Variants in PKHD1L1 observed in about 807,000 individuals in gnomAD.
PKHD1L1 encodes the protein PKHD1 like 1.
Under a neutral mutation model 462.9 loss-of-function variants are expected in PKHD1L1, and 434 were observed. The observed-to-expected ratio is 0.94, with a 90% CI of 0.87 to 1.02. PKHD1L1 has a LOEUF of 1.02. Ranked by LOEUF, PKHD1L1 falls within the 50% of genes least tolerant of loss-of-function variation. PKHD1L1 has a pLI of 0.00. For synonymous variants in PKHD1L1, 1,781 were observed against 1,750.0 expected (o/e 1.02, Z -0.44); for missense variants, 5,202 against 5,096.1 (o/e 1.02, Z -0.63).
chr8:109,419,812 C>G (rs905727364), intron 22 of PKHD1L1, among the ~76,000 whole-genome samples: 1 of 152,008 alleles, frequency 6.6e-6, no homozygotes, highest in Non-Finnish European at 1.5e-5. Context: ...AACCTAACTC[C>G]AAACAGTCAC....
intron 51 of PKHD1L1, 125 bp from the exon 52 acceptor site, chr8:109,476,383 A>G: frequency 1.6e-6 from 1 of 644,332 alleles, no homozygotes; most frequent in Non-Finnish European, 2.5e-6. Flanking sequence ...CAAGACAAAA[A>G]ACAAACTAAA....
At chr8:109,434,155 G>A (rs988676402) in intron 28 of PKHD1L1, among the ~76,000 whole-genome samples, 6 of 152,004 alleles carry the variant, frequency 3.9e-5, no homozygotes, top group Admixed American at 1.3e-4. Flanking sequence ...TGTAGGTGAC[G>A]GGTTAATGGG....
chr8:109,487,123 TG>T (rs1651535346), intron 59 of PKHD1L1, among the ~76,000 whole-genome samples: 2 of 151,990 alleles, frequency 1.3e-5, no homozygotes, highest in Admixed American at 6.6e-5. Context: ...TTATTGTTTT[TG>T]TTTTGTTTTA....
intron 2 of PKHD1L1, among the ~76,000 whole-genome samples, chr8:109,366,940 C>A (rs1811263737): frequency 6.6e-6 from 1 of 152,096 alleles, no homozygotes; most frequent in Non-Finnish European, 1.5e-5. Context: ...GATCTGCCCA[C>A]CTCAGCCTCC....
At chr8:109,428,391 T>C (rs1273105917) in intron 25 of PKHD1L1, among the ~76,000 whole-genome samples, 7 of 152,068 alleles carry the variant, frequency 4.6e-5, no homozygotes, top group Non-Finnish European at 1.0e-4. Context: ...AAGAAATTCG[T>C]GACTTAAAGT....
intron 17 of PKHD1L1, among the ~76,000 whole-genome samples, chr8:109,407,137 T>C (rs546100856): frequency 6.6e-6 from 1 of 152,244 alleles, no homozygotes; most frequent in South Asian, 2.1e-4. Context: ...AGAAAGTAGG[T>C]CCCTGAATGT....
intron 60 of PKHD1L1, among the ~76,000 whole-genome samples, chr8:109,490,410 A>T (rs1411956529): frequency 6.9e-6 from 1 of 145,980 alleles, no homozygotes; most frequent in Non-Finnish European, 1.5e-5. Context: ...AATGAAATGC[A>T]TGTCTGATCT....
At chr8:109,518,081 A>G in intron 72 of PKHD1L1, 86 bp from the exon 73 acceptor site, 2 of 878,840 alleles carry the variant, frequency 2.3e-6, no homozygotes, top group Non-Finnish European at 3.4e-6. Context: ...GGGACTTTCT[A>G]AATTCAAACA....
At chr8:109,510,485 T>C (rs867163782) in intron 70 of PKHD1L1, among the ~76,000 whole-genome samples, 3 of 152,284 alleles carry the variant, frequency 2.0e-5, no homozygotes, top group African/African-American at 7.2e-5. Flanking sequence ...ACTATTTCTA[T>C]CAGTGACCTT....
chr8:109,405,778 T>C (rs1490629492), intron 16 of PKHD1L1, among the ~76,000 whole-genome samples: 3 of 152,056 alleles, frequency 2.0e-5, no homozygotes. Context: ...GGTTGATAGG[T>C]GCAGCAAACC....
chr8:109,451,216 C>T, intron 41 of PKHD1L1, 67 bp downstream of exon 41: 1 of 1,475,968 alleles, frequency 6.8e-7, no homozygotes, highest in East Asian at 2.4e-5. Flanking sequence ...CCTGCTTTCT[C>T]CTATGCCCGG....
intron 10 of PKHD1L1, among the ~76,000 whole-genome samples, chr8:109,394,700 T>A (rs1167517205): frequency 6.6e-6 from 1 of 152,194 alleles, no homozygotes; most frequent in Non-Finnish European, 1.5e-5. Flanking sequence ...TAAGATTGAT[T>A]GAAAAATAAA....
chr8:109,366,902 C>T (rs1283536144), intron 2 of PKHD1L1, among the ~76,000 whole-genome samples: 1 of 151,952 alleles, frequency 6.6e-6, no homozygotes, highest in Admixed American at 6.6e-5. Context: ...CTATGTTGGC[C>T]AGGCTGGTCT....
rs951116785 is a variant in PKHD1L1, at chr8:109,417,805, C to A, written c.2361-1292C>A. On this transcript the variant is annotated intron_variant, in intron 21 of 77. Transcript: ENST00000378402. ...GACCTCGTGATCCACCCACTTCGGCCTCCCAAAGCTCTGGGATTACAGGCG... is the reference window on the plus strand; with the variant it reads ...GACCTCGTGATCCACCCACTTCGGCATCCCAAAGCTCTGGGATTACAGGCG... 2.0e-5 allele frequency among the ~76,000 whole-genome samples: 3 copies of A among 152,208 alleles called. No individual in the cohort carries two copies. In the East Asian group the frequency reaches 5.8e-4, roughly 29 times the overall value.
In PKHD1L1 at chr8:109,440,985, A is replaced by G. The variant is rs1213574137; in HGVS notation, c.4099+133A>G. The stretch of plus-strand genomic sequence containing the variant: ...CTAGTAGCATAAAAAAGGTAAGTGT[A>G]TTTGGTTAAAGTGATAAAGAGAAAC... On this transcript the variant is annotated intron_variant, in intron 33 of 77. Transcript: ENST00000378402. 8 of 1,146,314 alleles carry G rather than the reference A, an allele frequency of 7.0e-6. No homozygotes were observed. In the South Asian group the frequency reaches 8.9e-5, roughly 13 times the overall value. 71.0% of individuals were successfully genotyped at this position (1,146,314 alleles called of 1,614,324 possible). A position where few individuals can be genotyped will look rare whatever the true frequency, so the allele number is the denominator to read the frequency against.
chr8:109,513,305 C>T (rs535480385), intron 71 of PKHD1L1, among the ~76,000 whole-genome samples: 45 of 152,186 alleles, frequency 3.0e-4, no homozygotes, highest in African/African-American at 1.1e-3. Flanking sequence ...CCAGTTTTTG[C>T]CCTAAATTTT....
intron 58 of PKHD1L1, among the ~76,000 whole-genome samples, chr8:109,486,433 A>T: frequency 6.6e-6 from 1 of 152,010 alleles, no homozygotes; most frequent in East Asian, 1.9e-4. Context: ...TTTTGATGTA[A>T]ATAGAGGAAA....
At chr8:109,493,281 T>A (rs1818923788) in intron 62 of PKHD1L1, among the ~76,000 whole-genome samples, 1 of 150,234 alleles carries the variant, frequency 6.7e-6, no homozygotes, top group Non-Finnish European at 1.5e-5. Context: ...ATTTATCACT[T>A]TTTCAGTGAT....
intron 59 of PKHD1L1, among the ~76,000 whole-genome samples, chr8:109,487,554 C>T (rs1011162143): frequency 6.6e-6 from 1 of 151,040 alleles, no homozygotes; most frequent in African/African-American, 2.4e-5. Context: ...TGATTCATTC[C>T]TCTCTCCTTG....
Sources: allele counts gnomAD v4.1 joint callset (sites outside exome capture counted in the v4.1 genomes callset), GRCh38; gene constraint gnomAD v4.1.1; transcripts MANE v1.5; gene names NCBI Gene and HGNC (gene_info 2026-07-23, HGNC 2026-07-21).